Variants in EHF observed in about 807,000 individuals in gnomAD.
The protein encoded by EHF is ETS homologous factor, also known as ESE3 transcription factor.
EHF carries 14 observed loss-of-function variants against 45.1 expected under a neutral mutation model. The observed-to-expected ratio is 0.31, with a 90% CI of 0.21 to 0.49. The LOEUF (loss-of-function observed/expected upper bound fraction) is 0.49. Among genes scored for constraint, EHF ranks in the 20% least tolerant of loss-of-function variants. EHF has a pLI of 0.99. For synonymous variants in EHF, 136 were observed against 131.8 expected, an observed-to-expected ratio of 1.03 and a Z score of -0.22; for missense variants, 282 against 371.4, an observed-to-expected ratio of 0.76 and a Z score of 1.98.
chr11:34,642,497 A>G (rs2134104484), intron 1 of EHF, 131 bp from the exon 2 acceptor site: 3 of 599,800 alleles, frequency 5.0e-6, no homozygotes, highest in Non-Finnish European at 8.9e-6. Flanking sequence ...CGCTTTGGCA[A>G]TGGGTGGCAG....
intron 6 of EHF, among the ~76,000 whole-genome samples, chr11:34,656,211 A>C (rs1855656752): frequency 6.6e-6 from 1 of 152,090 alleles, no homozygotes; most frequent in Non-Finnish European, 1.5e-5. Flanking sequence ...TGCCATAATG[A>C]GTCATTTGTT....
chr11:34,647,165 G>T (rs1029940697), intron 3 of EHF, among the ~76,000 whole-genome samples: 1 of 151,134 alleles, frequency 6.6e-6, no homozygotes, highest in African/African-American at 2.4e-5. Flanking sequence ...GAAGATATAT[G>T]AAATTAGAAC....
intron 1 of EHF, among the ~76,000 whole-genome samples, chr11:34,628,903 A>G (rs74377535): frequency 0.01 from 1,533 of 152,288 alleles, 20 homozygotes; most frequent in African/African-American, 0.035. Flanking sequence ...GTTTGGTTTA[A>G]GGCTCTGCTG....
intron 6 of EHF, among the ~76,000 whole-genome samples, chr11:34,655,851 T>G (rs1855615778): frequency 6.6e-6 from 1 of 152,120 alleles, no homozygotes; most frequent in Non-Finnish European, 1.5e-5. Context: ...TCTCCCTTCA[T>G]ATATGGTTTC....
chr11:34,656,907 G>A lies in EHF; in HGVS notation c.545-1G>A. On this transcript the variant is annotated splice_acceptor_variant, in intron 6 of 8. Transcript: ENST00000257831. LOFTEE classifies it high-confidence loss of function. Reference sequence around the variant, plus strand: ...TAAACGCCTCTCATTTTTCTCCTTAGCAGAGTCACCTGATATGAAAAAGGA... The same window carrying A: ...TAAACGCCTCTCATTTTTCTCCTTAACAGAGTCACCTGATATGAAAAAGGA... The A allele has an allele frequency of 6.2e-7, 1 of 1,613,344 alleles. No individual in the cohort carries two copies. The highest frequency in any genetic ancestry group is 1.1e-5 in the South Asian group (1 of 91,018).
intron 1 of EHF, among the ~76,000 whole-genome samples, chr11:34,630,810 C>T (rs1590419429): frequency 6.6e-6 from 1 of 152,180 alleles, no homozygotes; most frequent in Admixed American, 6.5e-5. Flanking sequence ...CCATATCCCT[C>T]CCCTGTCGGA....
intron 3 of EHF, among the ~76,000 whole-genome samples, chr11:34,648,686 C>T (rs1854826459): frequency 6.6e-6 from 1 of 151,972 alleles, no homozygotes; most frequent in African/African-American, 2.4e-5. Flanking sequence ...AAACTGAGAC[C>T]CAGAAAGGTA....
At chr11:34,648,558 C>T (rs1351899713) in intron 3 of EHF, among the ~76,000 whole-genome samples, 1 of 152,104 alleles carries the variant, frequency 6.6e-6, no homozygotes, top group Non-Finnish European at 1.5e-5. Context: ...AAAGAAGAAT[C>T]AAGCTAGTTA....
At chr11:34,656,332 G>A (rs1348070736) in intron 6 of EHF, among the ~76,000 whole-genome samples, 1 of 151,970 alleles carries the variant, frequency 6.6e-6, no homozygotes, top group Non-Finnish European at 1.5e-5. Flanking sequence ...CCAAAAAAGG[G>A]CACTCCTCTG....
At position 34,651,669 on chromosome 11, in the gene EHF, C is replaced by T. The variant is rs956276084; in HGVS notation, c.475+59C>T. 9 of 1,608,042 alleles carry T rather than the reference C, an allele frequency of 5.6e-6. No individual in the cohort carries two copies. In the Admixed American group the frequency reaches 1.5e-4, roughly 27 times the overall value. On this transcript the variant is annotated intron_variant, in intron 5 of 8. Transcript: ENST00000257831. ...ATTCTTATTCAGTTTGTCTAAGAGC[C>T]ACAGTGTTCTATTGTGAGGTGGGGG...
intron 1 of EHF, among the ~76,000 whole-genome samples, chr11:34,633,468 C>T (rs1445179982): frequency 2.0e-5 from 3 of 152,072 alleles, no homozygotes; most frequent in South Asian, 2.1e-4. Flanking sequence ...TTCAAGACTT[C>T]GTTAAGGGAG....
At chr11:34,651,679 T>C in intron 5 of EHF, 58 bp from the exon 6 acceptor site, 1 of 1,608,930 alleles carries the variant, frequency 6.2e-7, no homozygotes, top group South Asian at 1.1e-5. Flanking sequence ...CACAGTGTTC[T>C]ATTGTGAGGT....
In EHF at chr11:34,631,490, T is replaced by C. The variant is rs1852886173; in HGVS notation, c.-4+10262T>C. ...AGCTTATCATGTGACATTGACAAAT[T>C]AATGAGAAGTGAGCATGTGATGATG... On this transcript the variant is annotated intron_variant, in intron 1 of 8. Transcript: ENST00000257831. The C allele has an allele frequency of 9.7e-6, 8 of 826,800 alleles. No homozygotes were observed. In the South Asian group the frequency reaches 2.7e-4, roughly 28 times the overall value. 51.2% of individuals were successfully genotyped at this position (826,800 alleles called of 1,614,324 possible).
intron 1 of EHF, among the ~76,000 whole-genome samples, chr11:34,628,517 G>A (rs578187352): frequency 3.3e-5 from 5 of 152,264 alleles, no homozygotes; most frequent in South Asian, 4.2e-4. Context: ...TCTGAACAGC[G>A]CCAGTTGATA....
chr11:34,658,787 A>C (rs1282420248), intron 8 of EHF, 45 bp from the exon 9 acceptor site: 13 of 1,606,528 alleles, frequency 8.1e-6, no homozygotes, highest in Non-Finnish European at 1.1e-5. Flanking sequence ...TTTACCTAGC[A>C]ACCTTCATCG....
chr11:34,655,182 A>G (rs1855546231), intron 6 of EHF, among the ~76,000 whole-genome samples: 1 of 152,148 alleles, frequency 6.6e-6, no homozygotes, highest in African/African-American at 2.4e-5. Context: ...GCTAGTGACA[A>G]TGCCAGGAGA....
chr11:34,628,404 G>T (rs1565022427), intron 1 of EHF, among the ~76,000 whole-genome samples: 1 of 151,894 alleles, frequency 6.6e-6, no homozygotes, highest in Non-Finnish European at 1.5e-5. Flanking sequence ...TTGAGAAGAG[G>T]CCTGTAGGCC....
chr11:34,652,640 T>C (rs1330773259), intron 6 of EHF, among the ~76,000 whole-genome samples: 1 of 152,256 alleles, frequency 6.6e-6, no homozygotes, highest in African/African-American at 2.4e-5. Context: ...TCACAAGTGA[T>C]AGTGCCTCTC....
intron 2 of EHF, among the ~76,000 whole-genome samples, chr11:34,644,594 C>G (rs1854330682): frequency 6.6e-6 from 1 of 152,220 alleles, no homozygotes; most frequent in African/African-American, 2.4e-5. Context: ...GCTAGATAAA[C>G]TTGACCTCCT....
Sources: allele counts gnomAD v4.1 joint callset (sites outside exome capture counted in the v4.1 genomes callset), GRCh38; gene constraint gnomAD v4.1.1; transcripts MANE v1.5; gene names NCBI Gene and HGNC (gene_info 2026-07-23, HGNC 2026-07-21).